Variants in PADI3 observed in about 807,000 individuals in gnomAD.
The protein encoded by PADI3 is peptidyl arginine deiminase 3, also known as protein-arginine deiminase type-3.
A neutral mutation model predicts 71.5 loss-of-function variants in PADI3; 53 were observed. The ratio of observed to expected loss-of-function variants is 0.74; its 90% CI spans 0.59 to 0.93. PADI3 has a LOEUF of 0.93. Among genes scored for constraint, PADI3 ranks in the 40% least tolerant of loss-of-function variants. PADI3 has a pLI of 0.00. For synonymous variants in PADI3, 361 were observed against 347.5 expected, an observed-to-expected ratio of 1.04 and a Z score of -0.43; for missense variants, 821 against 868.0, an observed-to-expected ratio of 0.95 and a Z score of 0.68.
In PADI3 at chr1:17,276,594, C is replaced by G; in HGVS notation, c.1383C>G (p.Leu461=). 1 of 1,614,166 alleles carries G rather than the reference C, an allele frequency of 6.2e-7. No homozygotes were observed. The highest frequency in any genetic ancestry group is 8.5e-7 in the Non-Finnish European group (1 of 1,180,042). ...AGAAGGTGCAGCCCCCCGTGGAGCTCTTTGTGGACTGGTTGGCCGTGGGCC... is the reference window on the plus strand; with the variant it reads ...AGAAGGTGCAGCCCCCCGTGGAGCTGTTTGTGGACTGGTTGGCCGTGGGCC... ...HAQKVQPPVE[L]FVDWLAVGHV... The change falls in exon 12 of 16, where the codon CTC becomes CTG. Residue 461 remains leucine (L), a synonymous_variant. Coordinates refer to ENST00000375460, the MANE Select transcript of PADI3 (RefSeq NM_016233.2).
At chr1:17,256,215 T>G (rs567242753) in intron 1 of PADI3, among the ~76,000 whole-genome samples, 1 of 152,320 alleles carries the variant, frequency 6.6e-6, no homozygotes, top group East Asian at 1.9e-4. Context: ...CCTGGGCCAA[T>G]GGTGTTGCAA....
chr1:17,282,951 C>T lies in PADI3; in HGVS notation c.1867C>T (p.Pro623Ser), dbSNP rs745881889. Residue 623 changes from proline (P) to serine (S), a missense_variant, in exon 16 of 16, where the codon CCG becomes TCG. Coordinates refer to ENST00000375460, the MANE Select transcript of PADI3 (RefSeq NM_016233.2). ...LEEKVRSLLE[P>S]LGLHCTFIDD... Reference sequence around the variant, plus strand: ...GGAGAAGGTGCGGTCCCTGCTGGAGCCGCTGGGCCTCCACTGCACCTTCAT... The same window carrying T: ...GGAGAAGGTGCGGTCCCTGCTGGAGTCGCTGGGCCTCCACTGCACCTTCAT... 3.1e-6 allele frequency: 5 copies of T among 1,614,018 alleles called. No homozygotes were observed. Among genetic ancestry groups the T allele is most frequent in the African/African-American group, 1.3e-5 (1 of 74,930 alleles).
rs371836063 is a variant in PADI3, at chr1:17,270,969, G to A, written c.922G>A (p.Val308Met). The change falls in exon 8 of 16, where the codon GTG (valine) becomes ATG (methionine). Residue 308 changes from valine to methionine, a missense_variant. Val to Met is a conservative substitution (Grantham distance 21). Transcript: ENST00000375460. ...GCCCAGCACTCTGCCACCCCTAGAG[G>A]TGTATGTGTGCCGGTGAGTCTTGGG... ...MTPSTLPPLE[V>M]YVCRVRNNTC... is the part of the protein sequence containing the mutation. The A allele has an allele frequency of 1.4e-5, 23 of 1,613,954 alleles. No homozygotes were observed. The highest frequency in any genetic ancestry group is 1.9e-5 in the Non-Finnish European group (23 of 1,179,988).
chr1:17,276,728 C>T lies in PADI3; in HGVS notation c.1453-46C>T, dbSNP rs563660643. On this transcript the variant is annotated intron_variant, in intron 12 of 15. Coordinates refer to ENST00000375460, the MANE Select transcript of PADI3 (RefSeq NM_016233.2). ...GGGGCAAGAACTGAGCTCCAGGGCG[C>T]CATGCCAAGGCAGGAGGCTCAGCTG... The T allele has an allele frequency of 3.7e-6, 6 of 1,613,736 alleles. No individual in the cohort carries two copies. In the East Asian group the frequency reaches 8.9e-5, roughly 24 times the overall value.
chr1:17,260,513 C>T (rs2073090116), intron 2 of PADI3, among the ~76,000 whole-genome samples: 1 of 152,148 alleles, frequency 6.6e-6, no homozygotes, highest in African/African-American at 2.4e-5. Flanking sequence ...CTCACAGCAG[C>T]CCAGAGAGGT....
chr1:17,266,855 G>C lies in PADI3; in HGVS notation c.526+19G>C. On this transcript the variant is annotated intron_variant, in intron 5 of 15. Coordinates refer to ENST00000375460, the MANE Select transcript of PADI3 (RefSeq NM_016233.2). The stretch of plus-strand genomic sequence containing the variant: ...CTGCAAGGTGAGGCCGGGGCAGCCT[G>C]AGTCCCTGGGTGTCCAGGGTCACTG... 3 of 1,573,318 alleles carry C rather than the reference G, an allele frequency of 1.9e-6. No individual in the cohort carries two copies. The South Asian group carries it at 3.3e-5, about 17-fold the overall frequency.
chr1:17,262,306 A>G (rs1213297928), intron 3 of PADI3, 101 bp downstream of exon 3: 3 of 813,442 alleles, frequency 3.7e-6, no homozygotes, highest in South Asian at 1.9e-5. Context: ...CTTCCCTCCA[A>G]CTCAAGACTT....
chr1:17,280,816 C>T lies in PADI3; in HGVS notation c.1761+20C>T, dbSNP rs773202218. The T allele has an allele frequency of 1.2e-6, 2 of 1,611,962 alleles. No homozygotes were observed. Among genetic ancestry groups the T allele is most frequent in the South Asian group, 1.1e-5 (1 of 91,044 alleles). On this transcript the variant is annotated intron_variant, in intron 15 of 15. Transcript: ENST00000375460. Reference sequence around the variant, plus strand: ...GACTTGGTGAGGGCACTACCCATGACTCCTTTGCCAAATCAGGCTGCAAAC... The same window carrying T: ...GACTTGGTGAGGGCACTACCCATGATTCCTTTGCCAAATCAGGCTGCAAAC...
chr1:17,274,531 G>A, intron 10 of PADI3, 104 bp from the exon 11 acceptor site: 1 of 1,000,740 alleles, frequency 1.0e-6, no homozygotes, highest in Non-Finnish European at 1.5e-6. Flanking sequence ...CTGAAGAATG[G>A]ATGGCCTTTC....
At chr1:17,267,804 C>T in intron 5 of PADI3, 33 bp from the exon 6 acceptor site, 1 of 1,610,386 alleles carries the variant, frequency 6.2e-7, no homozygotes, top group Non-Finnish European at 8.5e-7. Flanking sequence ...CCAGGACTCC[C>T]TTGAGTCACT....
At chr1:17,256,773 G>A (rs3003425) in intron 1 of PADI3, among the ~76,000 whole-genome samples, 76,182 of 151,914 alleles carry the variant, frequency 0.5, 19,611 homozygotes, top group African/African-American at 0.62. Flanking sequence ...GCGGTGGCTC[G>A]CGCCTGTAAT....
In PADI3 at chr1:17,273,360, C is replaced by T. The variant is rs775964739; in HGVS notation, c.1068C>T (p.Tyr356=). 1.6e-5 allele frequency: 26 copies of T among 1,613,174 alleles called. No homozygotes were observed. The highest frequency in any genetic ancestry group is 1.2e-4 in the South Asian group (11 of 90,922). ...RWIQDEMELG[Y]VQAPHKTLPV... Reference sequence around the variant, plus strand: ...TGCAGGATGAGATGGAGCTGGGCTACGTTCAGGCGCCGCACAAGACCCTCC... The same window carrying T: ...TGCAGGATGAGATGGAGCTGGGCTATGTTCAGGCGCCGCACAAGACCCTCC... Residue 356 remains tyrosine, a synonymous_variant, in exon 10 of 16, where the codon TAC becomes TAT. Coordinates refer to ENST00000375460, the MANE Select transcript of PADI3 (RefSeq NM_016233.2).
At chr1:17,271,035 C>T in intron 8 of PADI3, 32 bp from the exon 9 acceptor site, 1 of 1,612,424 alleles carries the variant, frequency 6.2e-7, no homozygotes. Context: ...CCGGCTCCAT[C>T]CTGAGCCCCT....
chr1:17,260,197 A>T (rs1227102083), intron 2 of PADI3, among the ~76,000 whole-genome samples: 1 of 152,050 alleles, frequency 6.6e-6, no homozygotes, highest in Non-Finnish European at 1.5e-5. Flanking sequence ...GGGACAGGGG[A>T]GGGACACCGG....
intron 1 of PADI3, among the ~76,000 whole-genome samples, chr1:17,257,237 C>T (rs967709451): frequency 6.6e-6 from 1 of 152,140 alleles, no homozygotes; most frequent in African/African-American, 2.4e-5. Flanking sequence ...ATCTCTCTGT[C>T]TCTGTGTCTT....
At chr1:17,257,005 C>G (rs780693314) in intron 1 of PADI3, among the ~76,000 whole-genome samples, 3 of 133,474 alleles carry the variant, frequency 2.2e-5, no homozygotes, top group African/African-American at 2.9e-5. Context: ...GCACTCCAGC[C>G]TGGGCGACAG....
chr1:17,260,873 C>T (rs1447450394), intron 2 of PADI3, among the ~76,000 whole-genome samples: 4 of 152,090 alleles, frequency 2.6e-5, no homozygotes, highest in Non-Finnish European at 4.4e-5. Context: ...GTTGAAGTGG[C>T]GATGGTGTGG....
At chr1:17,254,935 C>T (rs891104732) in intron 1 of PADI3, among the ~76,000 whole-genome samples, 2 of 152,156 alleles carry the variant, frequency 1.3e-5, no homozygotes, top group East Asian at 3.9e-4. Context: ...AGGCTGGTCT[C>T]GAACTCCTGA....
At position 17,282,784 on chromosome 1, in the gene PADI3, G is replaced by C. The variant is rs1007414803; in HGVS notation, c.1762-62G>C. The C allele has an allele frequency of 3.2e-6, 4 of 1,250,818 alleles. No homozygotes were observed. The African/African-American group carries it at 4.5e-5, about 14-fold the overall frequency. The allele number at this position is 1,250,818 out of a possible 1,614,324, so 77.5% of individuals were successfully genotyped here. ...TAAAACACAAACCTAGGTCCTGCAG[G>C]TAGAGTAGAGGTGTGGGGTGGGAGC... On this transcript the variant is annotated intron_variant, in intron 15 of 15. Coordinates refer to ENST00000375460, the MANE Select transcript of PADI3 (RefSeq NM_016233.2).
Sources: allele counts gnomAD v4.1 joint callset (sites outside exome capture counted in the v4.1 genomes callset), GRCh38; gene constraint gnomAD v4.1.1; transcripts MANE v1.5; gene names NCBI Gene and HGNC (gene_info 2026-07-23, HGNC 2026-07-21).